UCHL3: variants seen among roughly 807,000 people sequenced by gnomAD.
UCHL3 encodes the protein ubiquitin C-terminal hydrolase L3.
In UCHL3, 22 loss-of-function variants were observed where a neutral mutation model predicts 35.8. The observed-to-expected ratio is 0.61, with a 90% CI of 0.44 to 0.88. The LOEUF (loss-of-function observed/expected upper bound fraction) is 0.88. Among genes scored for constraint, UCHL3 ranks in the 40% least tolerant of loss-of-function variants. The pLI is 0.00. For missense variants in UCHL3, 229 were observed against 276.9 expected (o/e 0.83, Z 1.23); for synonymous variants, 90 against 92.8 (o/e 0.97, Z 0.17).
At chr13:75,564,303 A>G (rs1329847813) in intron 3 of UCHL3, among the ~76,000 whole-genome samples, 1 of 151,858 alleles carries the variant, frequency 6.6e-6, no homozygotes, top group East Asian at 1.9e-4. Flanking sequence ...GGTGCCTGCC[A>G]CCACGCCCGG....
At chr13:75,560,453 T>C (rs2031454981) in intron 2 of UCHL3, among the ~76,000 whole-genome samples, 1 of 152,208 alleles carries the variant, frequency 6.6e-6, no homozygotes, top group South Asian at 2.1e-4. Context: ...TAAATTGCTA[T>C]CTCTTCTCAC....
chr13:75,577,165 G>A (rs973963998), intron 6 of UCHL3, among the ~76,000 whole-genome samples: 2 of 152,140 alleles, frequency 1.3e-5, no homozygotes, highest in Non-Finnish European at 2.9e-5. Flanking sequence ...TAGGAGGATG[G>A]CTTCAGCTCA....
At chr13:75,582,265 T>G (rs1431204922) in intron 6 of UCHL3, among the ~76,000 whole-genome samples, 2 of 152,242 alleles carry the variant, frequency 1.3e-5, no homozygotes, top group African/African-American at 4.8e-5. Flanking sequence ...AACAATTACT[T>G]ATTAAATATC....
At chr13:75,559,350 G>A (rs2031415721) in intron 2 of UCHL3, among the ~76,000 whole-genome samples, 1 of 152,060 alleles carries the variant, frequency 6.6e-6, no homozygotes, top group Admixed American at 6.6e-5. Flanking sequence ...CTCAGCCCCG[G>A]ACTCTTATAG....
intron 6 of UCHL3, chr13:75,590,228 T>C: frequency 1.7e-6 from 2 of 1,197,308 alleles, no homozygotes; most frequent in Non-Finnish European, 2.1e-6. Context: ...TTTCTCTTGG[T>C]TCACTCAACC....
At position 75,559,030 on chromosome 13, in the gene UCHL3, C is replaced by CTTTTT. The variant is rs34100020; in HGVS notation, c.55-1700_55-1696dup. 1.2e-3 allele frequency among the ~76,000 whole-genome samples: 80 copies of CTTTTT among 64,308 alleles called. 8 individuals carry two copies. The highest frequency in any genetic ancestry group is 4.7e-3 in the African/African-American group (72 of 15,186). The allele number at this position is 64,308 out of a possible 152,430, so 42.2% of individuals were successfully genotyped here. A position where few individuals can be genotyped will look rare whatever the true frequency, so the allele number is the denominator to read the frequency against. ...CCATTGATCTCCTCAGCCCCGGACTCTTTTTTTTTTTTTTTTTTTTTTTTT... is the reference window on the plus strand; with the variant it reads ...CCATTGATCTCCTCAGCCCCGGACTCTTTTTTTTTTTTTTTTTTTTTTTTTTTTTT... On this transcript the variant is annotated intron_variant, in intron 2 of 8. Coordinates refer to ENST00000377595, the MANE Select transcript of UCHL3 (RefSeq NM_006002.5).
At chr13:75,577,180 G>C (rs2032049643) in intron 6 of UCHL3, among the ~76,000 whole-genome samples, 1 of 152,114 alleles carries the variant, frequency 6.6e-6, no homozygotes, top group Non-Finnish European at 1.5e-5. Flanking sequence ...AGCTCAGGAG[G>C]TCAAGACTGC....
intron 2 of UCHL3, among the ~76,000 whole-genome samples, chr13:75,552,112 AT>A (rs1445159762): frequency 6.6e-6 from 1 of 152,228 alleles, no homozygotes; most frequent in South Asian, 2.1e-4. Flanking sequence ...TATATCTGGC[AT>A]GCTTTGGCAT....
chr13:75,597,302 T>C (rs1276584878), intron 7 of UCHL3, among the ~76,000 whole-genome samples: 3 of 152,198 alleles, frequency 2.0e-5, no homozygotes, highest in Middle Eastern at 3.4e-3. Flanking sequence ...GAGGCTACAG[T>C]GTGCTATGAT....
intron 2 of UCHL3, among the ~76,000 whole-genome samples, chr13:75,551,103 G>A (rs1388150388): frequency 3.9e-5 from 6 of 152,106 alleles, no homozygotes; most frequent in African/African-American, 1.4e-4. Flanking sequence ...GATCATTTAA[G>A]GAAGAAATAA....
intron 2 of UCHL3, among the ~76,000 whole-genome samples, chr13:75,556,879 C>T (rs1031896686): frequency 4.6e-5 from 7 of 152,062 alleles, no homozygotes; most frequent in African/African-American, 9.7e-5. Context: ...CAGGTGGCCT[C>T]GAAAAAGCAC....
At chr13:75,576,933 G>T (rs2032041732) in intron 6 of UCHL3, among the ~76,000 whole-genome samples, 1 of 152,116 alleles carries the variant, frequency 6.6e-6, no homozygotes, top group Non-Finnish European at 1.5e-5. Flanking sequence ...TTCCTTACTT[G>T]TGGATTCAAC....
intron 2 of UCHL3, among the ~76,000 whole-genome samples, chr13:75,551,960 T>G (rs1389896850): frequency 6.6e-6 from 1 of 152,218 alleles, no homozygotes; most frequent in Non-Finnish European, 1.5e-5. Flanking sequence ...TCATTAGCAT[T>G]TATTATAAGT....
intron 6 of UCHL3, chr13:75,590,307 C>T: frequency 2.2e-6 from 2 of 925,004 alleles, no homozygotes; most frequent in South Asian, 5.0e-5. Flanking sequence ...TTGACTTTTG[C>T]CAGTGCCTCA....
At chr13:75,569,823 A>G (rs1429448781) in intron 6 of UCHL3, among the ~76,000 whole-genome samples, 2 of 152,210 alleles carry the variant, frequency 1.3e-5, no homozygotes, top group East Asian at 1.9e-4. Flanking sequence ...AGGTCCAACT[A>G]TTTTGAGAAA....
At chr13:75,579,627 G>A (rs570979092) in intron 6 of UCHL3, among the ~76,000 whole-genome samples, 1 of 151,726 alleles carries the variant, frequency 6.6e-6, no homozygotes, top group Non-Finnish European at 1.5e-5. Flanking sequence ...TTTAGAAATG[G>A]AGATATTAAA....
chr13:75,551,325 G>A (rs1476207589), intron 2 of UCHL3, among the ~76,000 whole-genome samples: 1 of 151,914 alleles, frequency 6.6e-6, no homozygotes, highest in Non-Finnish European at 1.5e-5. Context: ...CGGGTACTTG[G>A]GAGGCTGAGG....
At chr13:75,587,244 A>T (rs1047668916) in intron 6 of UCHL3, among the ~76,000 whole-genome samples, 1 of 152,006 alleles carries the variant, frequency 6.6e-6, no homozygotes, top group Admixed American at 6.6e-5. Flanking sequence ...TTATTAAAAA[A>T]TGGAGAAGGG....
intron 6 of UCHL3, among the ~76,000 whole-genome samples, chr13:75,584,136 C>T (rs2032259528): frequency 6.6e-6 from 1 of 152,118 alleles, no homozygotes; most frequent in Non-Finnish European, 1.5e-5. Flanking sequence ...GCGGGAGGGG[C>T]AGGTTCTTCT....
Sources: gnomAD v4.1 joint callset for allele counts (sites outside exome capture counted in the v4.1 genomes callset) on GRCh38, gnomAD v4.1.1 for gene constraint, MANE v1.5 for transcripts, NCBI Gene and HGNC (gene_info 2026-07-23, HGNC 2026-07-21) for gene names.